Variants in KAZN observed in about 807,000 individuals in gnomAD.
The protein encoded by KAZN is kazrin.
Under a neutral mutation model 87.4 loss-of-function variants are expected in KAZN, and 40 were observed. The ratio of observed to expected loss-of-function variants is 0.46; its 90% CI spans 0.36 to 0.60. The LOEUF is 0.60. KAZN is among the 20% of genes least tolerant of loss of function. The pLI is 0.00. For missense variants in KAZN, 898 were observed against 1,073.9 expected (o/e 0.84, Z 2.29); for synonymous variants, 466 against 458.3 (o/e 1.02, Z -0.22).
chr1:14,019,139 G>C (rs1430306674), intron 1 of KAZN, among the ~76,000 whole-genome samples: 1 of 152,182 alleles, frequency 6.6e-6, no homozygotes, highest in African/African-American at 2.4e-5. Flanking sequence ...CTTCCTTGCA[G>C]ACTTACTGAT....
chr1:14,823,411 G>A (rs752746881), intron 1 of KAZN, among the ~76,000 whole-genome samples: 12 of 152,132 alleles, frequency 7.9e-5, no homozygotes, highest in Non-Finnish European at 1.5e-4. Flanking sequence ...GGAGAATATG[G>A]AGATTGAAGA....
At chr1:14,462,010 C>G (rs1667879957) in intron 2 of KAZN, among the ~76,000 whole-genome samples, 1 of 151,766 alleles carries the variant, frequency 6.6e-6, no homozygotes, top group African/African-American at 2.4e-5. Context: ...CCACAATTTC[C>G]ATGAAAATGG....
intron 1 of KAZN, among the ~76,000 whole-genome samples, chr1:13,932,258 ATTT>A (rs1553175095): frequency 2.3e-5 from 1 of 43,114 alleles, no homozygotes; most frequent in Admixed American, 2.3e-4. Flanking sequence ...CTTATTAAAC[ATTT>A]TTTTTTTTTT....
chr1:14,320,587 C>G (rs1199299942), intron 2 of KAZN, among the ~76,000 whole-genome samples: 1 of 152,016 alleles, frequency 6.6e-6, no homozygotes, highest in East Asian at 1.9e-4. Flanking sequence ...CCTACCAAAT[C>G]AAAAATAAAG....
chr1:15,034,554 G>A (rs901834256), intron 2 of KAZN, among the ~76,000 whole-genome samples, 195 bp from the exon 3 acceptor site: 7 of 152,196 alleles, frequency 4.6e-5, no homozygotes, highest in Non-Finnish European at 8.8e-5. Context: ...CGGGGCTCTC[G>A]ACATAGGTGA....
rs2100682818 is a variant in KAZN at position 15,094,405 on chromosome 1, CT to C, written c.1428+21del. ...GGGAAGGTAGGCAACTCCGGGCCCC[CT>C]ATGGGATGCCACCCATGCCCTCTGT... On this transcript the variant is annotated intron_variant, in intron 9 of 14. Transcript: ENST00000376030. This position sits in a 1 kb window ranked among gnomAD's most constrained non-coding sequence, Gnocchi z 4.5. 1.1e-5 allele frequency: 18 copies of C among 1,597,356 alleles called. No individual in the cohort carries two copies. The highest frequency in any genetic ancestry group is 4.5e-5 in the East Asian group (2 of 44,182).
intron 2 of KAZN, among the ~76,000 whole-genome samples, chr1:14,250,093 T>C (rs1420259290): frequency 1.3e-5 from 2 of 152,202 alleles, no homozygotes; most frequent in Non-Finnish European, 2.9e-5. Flanking sequence ...TCCCTTCCAT[T>C]ATTCTCTTTT....
chr1:14,154,953 T>TTCCTTC (rs1553136613), intron 1 of KAZN, among the ~76,000 whole-genome samples: 1 of 134,794 alleles, frequency 7.4e-6, no homozygotes, highest in Non-Finnish European at 1.5e-5. Flanking sequence ...TTGTAGTTTT[T>TTCCTTC]CTTCCTTCCT....
intron 1 of KAZN, among the ~76,000 whole-genome samples, chr1:14,814,812 A>G (rs1376385740): frequency 6.6e-6 from 1 of 152,234 alleles, no homozygotes; most frequent in Non-Finnish European, 1.5e-5. Flanking sequence ...TTCAAATTCA[A>G]GGAAAGTTTC....
At chr1:14,733,438 G>A (rs902198118) in intron 1 of KAZN, among the ~76,000 whole-genome samples, 2 of 152,280 alleles carry the variant, frequency 1.3e-5, no homozygotes, top group African/African-American at 4.8e-5. Flanking sequence ...AGCAGCCACC[G>A]CCGCTGCAAC....
intron 1 of KAZN, among the ~76,000 whole-genome samples, chr1:14,921,042 G>A (rs1382314195): frequency 6.6e-6 from 1 of 152,070 alleles, no homozygotes; most frequent in African/African-American, 2.4e-5. Context: ...TTGAGAGCAG[G>A]GAGAGTGAGG....
chr1:14,846,344 C>G (rs74059610), intron 1 of KAZN, among the ~76,000 whole-genome samples: 1 of 151,860 alleles, frequency 6.6e-6, no homozygotes, highest in Non-Finnish European at 1.5e-5. Context: ...TGAGATCAAG[C>G]GATCTAGGTA....
chr1:14,624,000 T>G (rs1263884027), intron 1 of KAZN, among the ~76,000 whole-genome samples: 1 of 152,224 alleles, frequency 6.6e-6, no homozygotes, highest in East Asian at 1.9e-4. Context: ...TTGAAAACAA[T>G]GTGTATTCTG....
chr1:14,940,397 C>G (rs575503742), intron 1 of KAZN, among the ~76,000 whole-genome samples: 1 of 152,254 alleles, frequency 6.6e-6, no homozygotes, highest in South Asian at 2.1e-4. Flanking sequence ...GTGCCCTACA[C>G]TTGAGGATCT....
In KAZN at chr1:14,571,168, C is replaced by T. The variant is rs189790498; in HGVS notation, c.250-27815C>T. Among the ~76,000 whole-genome samples the T allele has an allele frequency of 4.9e-4, 75 of 151,688 alleles. 1 individual carries two copies. Among genetic ancestry groups the T allele is most frequent in the African/African-American group, 1.7e-3 (72 of 41,390 alleles). Reference sequence around the variant, plus strand: ...TTTTTATAACAAGACCAAATATAACCTTGTAGAAACGTACATAGAATTCAA... The same window carrying T: ...TTTTTATAACAAGACCAAATATAACTTTGTAGAAACGTACATAGAATTCAA... On this transcript the variant is annotated intron_variant, in intron 2 of 16. Transcript: ENST00000636203.
rs1000039590 is a variant in KAZN at position 14,949,461 on chromosome 1, G to A, written c.227-11223G>A. 2.6e-5 allele frequency among the ~76,000 whole-genome samples: 4 copies of A among 152,146 alleles called. No individual in the cohort carries two copies. Among genetic ancestry groups the A allele is most frequent in the African/African-American group, 9.7e-5 (4 of 41,428 alleles). On this transcript the variant is annotated intron_variant, in intron 1 of 14. Transcript: ENST00000376030. This position sits in a 1 kb window ranked among gnomAD's most constrained non-coding sequence, Gnocchi z 4.3. ...AGGCCTGGCCATGGGCTCTGGGACT[G>A]AGCAGTCCTTGCTGCCACCAGCAGT...
intron 1 of KAZN, among the ~76,000 whole-genome samples, chr1:14,693,683 G>A (rs1460553530): frequency 6.6e-6 from 1 of 152,174 alleles, no homozygotes; most frequent in Non-Finnish European, 1.5e-5. Context: ...CTTGTCACCT[G>A]TCATTCAACA....
intron 1 of KAZN, among the ~76,000 whole-genome samples, chr1:13,987,013 C>G (rs1188516761): frequency 2.0e-5 from 3 of 150,462 alleles, no homozygotes; most frequent in African/African-American, 7.2e-5. Flanking sequence ...CCCCCTAATG[C>G]TGTGGAAGAA....
chr1:14,175,772 C>G (rs1490786547), intron 1 of KAZN, among the ~76,000 whole-genome samples: 1 of 152,116 alleles, frequency 6.6e-6, no homozygotes, highest in East Asian at 1.9e-4. Flanking sequence ...GACGTGGGAA[C>G]TGAGGTACTC....
Sources: allele counts gnomAD v4.1 joint callset (sites outside exome capture counted in the v4.1 genomes callset), GRCh38; gene constraint gnomAD v4.1.1; non-coding constraint Gnocchi (gnomAD v3.1); transcripts MANE v1.5; gene names NCBI Gene and HGNC (gene_info 2026-07-23, HGNC 2026-07-21).